The following SLC23A2 variants were observed in gnomAD, a reference collection of about 807,000 sequenced individuals.
The protein encoded by SLC23A2 is solute carrier family 23 member 2, also known as Na(+)/L-ascorbic acid transporter 2.
Under a neutral mutation model 73.3 loss-of-function variants are expected in SLC23A2, and 36 were observed. The observed-to-expected ratio is 0.49, with a 90% confidence interval of 0.38 to 0.65. The LOEUF is 0.65. SLC23A2 is among the 30% of genes least tolerant of loss of function. SLC23A2 has a pLI of 0.00. For missense variants in SLC23A2, 507 were observed against 841.6 expected (o/e 0.60, Z 4.92); for synonymous variants, 343 against 327.3 (o/e 1.05, Z -0.52).
intron 1 of SLC23A2, among the ~76,000 whole-genome samples, chr20:4,972,521 C>A (rs12480138): frequency 6.7e-6 from 1 of 150,186 alleles, no homozygotes; most frequent in African/African-American, 2.5e-5. Context: ...AAAATAAAAT[C>A]TCTACACATA....
intron 2 of SLC23A2, among the ~76,000 whole-genome samples, chr20:4,942,966 C>T (rs1017629927): frequency 5.9e-5 from 9 of 151,964 alleles, no homozygotes; most frequent in South Asian, 4.1e-4. Context: ...TGACTCCCAA[C>T]GCTTTGGGAG....
intron 2 of SLC23A2, among the ~76,000 whole-genome samples, chr20:4,934,708 C>T (rs2086933592): frequency 6.6e-6 from 1 of 151,372 alleles, no homozygotes; most frequent in African/African-American, 2.4e-5. Flanking sequence ...CTAAAAAATA[C>T]AAAAATTAGC....
Position 4,985,691 on chromosome 20 carries a change from C to A in SLC23A2, c.-281-14772G>T, listed in dbSNP as rs181679551. Among the ~76,000 whole-genome samples, 1,286 of 152,184 alleles carry A rather than the reference C, an allele frequency of 8.5e-3. 48 individuals carry two copies. In the South Asian group the frequency reaches 0.14, roughly 16 times the overall value. On this transcript the variant is annotated intron_variant, in intron 1 of 16. Coordinates refer to ENST00000338244, the MANE Select transcript of SLC23A2 (RefSeq NM_005116.6). ...TTGAACTCCTGAGCTCAGGTGATCC[C>A]CCCACCTTGGCTTCCCAAAGTGCTG...
chr20:4,950,327 C>A (rs2087180713), intron 2 of SLC23A2, among the ~76,000 whole-genome samples: 1 of 152,166 alleles, frequency 6.6e-6, no homozygotes, highest in African/African-American at 2.4e-5. Flanking sequence ...GTTTCCATTT[C>A]CCCAATCAGG....
intron 1 of SLC23A2, among the ~76,000 whole-genome samples, chr20:5,006,826 C>T (rs997563760): frequency 6.6e-6 from 1 of 152,062 alleles, no homozygotes; most frequent in African/African-American, 2.4e-5. Flanking sequence ...TAGGAGTGAG[C>T]CACCACTCCT....
At chr20:4,948,349 C>A (rs1425373412) in intron 2 of SLC23A2, among the ~76,000 whole-genome samples, 1 of 152,154 alleles carries the variant, frequency 6.6e-6, no homozygotes, top group Non-Finnish European at 1.5e-5. Flanking sequence ...CTCTCAACAC[C>A]AACCACTTTC....
At chr20:4,867,680 C>A in intron 13 of SLC23A2, 90 bp downstream of exon 13, 1 of 597,778 alleles carries the variant, frequency 1.7e-6, no homozygotes, top group Non-Finnish European at 2.9e-6. Context: ...ACCAGAGGCC[C>A]GCCCATTTGG....
intron 4 of SLC23A2, among the ~76,000 whole-genome samples, chr20:4,904,105 G>A (rs1472662423): frequency 1.3e-5 from 2 of 152,158 alleles, no homozygotes; most frequent in African/African-American, 4.8e-5. Context: ...AACAGCCTGG[G>A]CAACATAGTG....
At chr20:5,009,867 G>GGGC (rs369334899) in intron 1 of SLC23A2, among the ~76,000 whole-genome samples, 2,642 of 152,148 alleles carry the variant, frequency 0.017, 78 homozygotes, top group African/African-American at 0.06. Flanking sequence ...AGGCCGAGGC[G>GGGC]GGCGGATCAT....
At chr20:4,897,310 G>A (rs1341650258) in intron 6 of SLC23A2, among the ~76,000 whole-genome samples, 2 of 152,212 alleles carry the variant, frequency 1.3e-5, no homozygotes, top group Non-Finnish European at 2.9e-5. Context: ...AGTTGCTGAC[G>A]TGATTAGAGT....
At chr20:5,003,070 T>C (rs2088148419), upstream of SLC23A2, among the ~76,000 whole-genome samples, 1 of 152,140 alleles carries the variant, frequency 6.6e-6, no homozygotes. Context: ...TTGATCCCCG[T>C]TGAAGATGGA....
rs564192597 is a variant in SLC23A2 at position 4,930,383 on chromosome 20, T to A, written c.108+2072A>T. ...GCTTTCAACAGTGAAGAAAATCCAG[T>A]TTCAAAATTTTTCATTATAGGAAAA... On this transcript the variant is annotated intron_variant, in intron 3 of 16. Transcript: ENST00000338244. Among the ~76,000 whole-genome samples, 12 of 152,310 alleles carry A rather than the reference T, an allele frequency of 7.9e-5. 1 individual carries two copies. In the South Asian group the frequency reaches 2.5e-3, roughly 32 times the overall value.
At chr20:4,986,133 T>C (rs955585905) in intron 1 of SLC23A2, among the ~76,000 whole-genome samples, 1 of 152,138 alleles carries the variant, frequency 6.6e-6, no homozygotes. Context: ...CCAAAATTTT[T>C]ATCATGAAAT....
chr20:4,921,977 T>C (rs1244533988), intron 3 of SLC23A2, among the ~76,000 whole-genome samples: 1 of 152,202 alleles, frequency 6.6e-6, no homozygotes, highest in African/African-American at 2.4e-5. Context: ...GACAACTGAG[T>C]GATTACTGCC....
chr20:4,992,660 A>G (rs2087946985), intron 1 of SLC23A2, among the ~76,000 whole-genome samples: 1 of 151,610 alleles, frequency 6.6e-6, no homozygotes, highest in Non-Finnish European at 1.5e-5. Context: ...ACAGGCATGT[A>G]CTACCATGCC....
In SLC23A2 at chr20:4,863,450, C is replaced by T. The variant is rs1173460774; in HGVS notation, c.1357-543G>A. ...GTATGGTCGGGCCGACCCGTAGCCT[C>T]TAGAGTCTCAGGATCTTCATCTCAG... On this transcript the variant is annotated intron_variant, in intron 13 of 16. Transcript: ENST00000338244. This position sits in a 1 kb window ranked among gnomAD's most constrained non-coding sequence, Gnocchi z 4.8. Among the ~76,000 whole-genome samples the T allele has an allele frequency of 6.6e-6, 1 of 152,222 alleles. No individual in the cohort carries two copies. Among genetic ancestry groups the T allele is most frequent in the African/African-American group, 2.4e-5 (1 of 41,444 alleles).
At chr20:4,876,183 T>C in intron 9 of SLC23A2, among the ~76,000 whole-genome samples, 1 of 152,252 alleles carries the variant, frequency 6.6e-6, no homozygotes. Flanking sequence ...TAGACCTACA[T>C]GCAATTTTCA....
At position 4,883,583 on chromosome 20, in the gene SLC23A2, G is replaced by T; in HGVS notation, c.824+59C>A. ...AAAAACATTATCTCCTGAAGTCTGTGTGAATGTTCCTAAAGGCTGCCCCGC... is the reference window on the plus strand; with the variant it reads ...AAAAACATTATCTCCTGAAGTCTGTTTGAATGTTCCTAAAGGCTGCCCCGC... On this transcript the variant is annotated intron_variant, in intron 9 of 16. Transcript: ENST00000338244. This position sits in a 1 kb window ranked among gnomAD's most constrained non-coding sequence, Gnocchi z 4.5. 1 of 1,202,452 alleles carries T rather than the reference G, an allele frequency of 8.3e-7. No homozygotes were observed. The highest frequency in any genetic ancestry group is 1.2e-6 in the Non-Finnish European group (1 of 847,652). The allele number at this position is 1,202,452 out of a possible 1,614,324, so 74.5% of individuals were successfully genotyped here.
chr20:4,877,166 T>TATAA lies in SLC23A2; in HGVS notation c.825-2474_825-2471dup, dbSNP rs556351654. Among the ~76,000 whole-genome samples the TATAA allele has an allele frequency of 9.8e-3, 1,493 of 152,020 alleles. 12 individuals carry two copies. Among genetic ancestry groups the TATAA allele is most frequent in the East Asian group, 0.048 (246 of 5,176 alleles). On this transcript the variant is annotated intron_variant, in intron 9 of 16. Transcript: ENST00000338244. Reference sequence around the variant, plus strand: ...CCCTAGAACTTAAAGTATAATAAAATATAAATAAATAAATAAATAAATAAA... The same window carrying TATAA: ...CCCTAGAACTTAAAGTATAATAAAATATAAATAAATAAATAAATAAATAAATAAA...
Sources: allele counts gnomAD v4.1 joint callset (sites outside exome capture counted in the v4.1 genomes callset), GRCh38; gene constraint gnomAD v4.1.1; non-coding constraint Gnocchi (gnomAD v3.1); transcripts MANE v1.5; gene names NCBI Gene and HGNC (gene_info 2026-07-23, HGNC 2026-07-21).